The following IL1R1 variants were observed in gnomAD, a reference collection of about 807,000 sequenced individuals.
The protein encoded by IL1R1 is interleukin-1 receptor type 1.
IL1R1 carries 22 observed loss-of-function variants against 50.2 expected under a neutral mutation model. The ratio of observed to expected loss-of-function variants is 0.44; its 90% CI spans 0.31 to 0.63. The LOEUF is 0.63. Among genes scored for constraint, IL1R1 ranks in the 20% least tolerant of loss-of-function variants. The pLI, the probability that IL1R1 is intolerant of heterozygous loss-of-function variation, is 0.07. For missense variants in IL1R1, 509 were observed against 676.2 expected (o/e 0.75, Z 2.74); for synonymous variants, 251 against 236.7 (o/e 1.06, Z -0.55).
chr2:102,089,061 C>G (rs986238166), intron 1 of IL1R1, among the ~76,000 whole-genome samples: 9 of 152,194 alleles, frequency 5.9e-5, no homozygotes, highest in African/African-American at 1.9e-4. Context: ...GTTTTGCTTT[C>G]TGATCATTTG....
rs1190510667 is a variant in IL1R1, at chr2:102,176,468, C to G, written c.1419C>G (p.Ala473=). The change falls in exon 12 of 12, where the codon GCC becomes GCG. Residue 473 remains alanine (A), a synonymous_variant. Transcript: ENST00000410023. ...GTGGTTCATCTGAAGAGCAAATAGC[C>G]ATGTATAATGCTCTTGTTCAGGATG... ...WLGGSSEEQI[A]MYNALVQDGI... 3 of 1,614,010 alleles carry G rather than the reference C, an allele frequency of 1.9e-6. No individual in the cohort carries two copies. The highest frequency in any genetic ancestry group is 2.7e-5 in the African/African-American group (2 of 74,906).
intron 1 of IL1R1, among the ~76,000 whole-genome samples, chr2:102,131,975 A>G (rs566484940): frequency 6.6e-6 from 1 of 152,304 alleles, no homozygotes; most frequent in African/African-American, 2.4e-5. Flanking sequence ...AAGAAACAGC[A>G]GTGACACAGA....
intron 1 of IL1R1, chr2:102,105,010 G>C (rs532719164): frequency 6.6e-6 from 1 of 152,218 alleles, no homozygotes; most frequent in Non-Finnish European, 1.5e-5. Context: ...ATTGTTTGTC[G>C]AAACAACATT....
Position 102,128,492 on chromosome 2 carries a change from A to G in IL1R1, c.-84+23620A>G, listed in dbSNP as rs72996587. 1.3e-3 allele frequency among the ~76,000 whole-genome samples: 205 copies of G among 152,332 alleles called. 1 individual carries two copies. Among genetic ancestry groups the G allele is most frequent in the African/African-American group, 4.4e-3 (185 of 41,576 alleles). ...GACTATGTTTAAATACTTTTTATGT[A>G]TTAACTTATTCTCTCAACAACCCAA... On this transcript the variant is annotated intron_variant, in intron 1 of 10. Transcript: ENST00000409329.
At chr2:102,129,256 TACA>T (rs71866133) in intron 1 of IL1R1, among the ~76,000 whole-genome samples, 61,676 of 149,318 alleles carry the variant, frequency 0.41, 13,096 homozygotes, top group East Asian at 0.52. Context: ...CCCAAAAACC[TACA>T]ACAACAACAA....
intron 2 of IL1R1, 107 bp from the exon 3 acceptor site, chr2:102,157,612 T>G (rs2104530140): frequency 1.4e-6 from 1 of 708,516 alleles, no homozygotes; most frequent in Non-Finnish European, 2.5e-6. Context: ...GTGTGACTTG[T>G]GGGTGAGGGT....
chr2:102,079,988 G>A lies in IL1R1; in HGVS notation c.-84+9455G>A, dbSNP rs560471002. 1.4e-3 allele frequency among the ~76,000 whole-genome samples: 209 copies of A among 152,226 alleles called. 4 individuals carry two copies. The highest frequency in any genetic ancestry group is 3.3e-3 in the Admixed American group (51 of 15,290). ...GATGCCAGCAATTCAGTGGGGGAAAGAATAATCTTCTTAATAAAAGGTGAT... is the reference window on the plus strand; with the variant it reads ...GATGCCAGCAATTCAGTGGGGGAAAAAATAATCTTCTTAATAAAAGGTGAT... On this transcript the variant is annotated intron_variant, in intron 1 of 11. Transcript: ENST00000409929.
At chr2:102,143,810 C>T (rs1409767144) in intron 1 of IL1R1, among the ~76,000 whole-genome samples, 1 of 152,212 alleles carries the variant, frequency 6.6e-6, no homozygotes, top group Non-Finnish European at 1.5e-5. Flanking sequence ...GGCTGTCTCT[C>T]CACTGCCTTA....
chr2:102,153,519 C>T (rs1683887802), intron 1 of IL1R1, among the ~76,000 whole-genome samples: 1 of 152,142 alleles, frequency 6.6e-6, no homozygotes, highest in Non-Finnish European at 1.5e-5. Context: ...TGGTTTGGCT[C>T]TGTGTCCCCA....
At chr2:102,100,851 G>A (rs549648760), upstream of IL1R1, among the ~76,000 whole-genome samples, 6 of 152,218 alleles carry the variant, frequency 3.9e-5, no homozygotes, top group South Asian at 6.2e-4. Context: ...GACACAGTGC[G>A]GTCTGGAAGA....
intron 1 of IL1R1, among the ~76,000 whole-genome samples, chr2:102,080,843 T>C (rs369532023): frequency 1.3e-5 from 2 of 152,176 alleles, no homozygotes; most frequent in East Asian, 3.9e-4. Context: ...CAATATGCAG[T>C]ATATCCAAAC....
At chr2:102,091,391 T>C (rs1193426316) in intron 1 of IL1R1, among the ~76,000 whole-genome samples, 1 of 152,250 alleles carries the variant, frequency 6.6e-6, no homozygotes, top group Non-Finnish European at 1.5e-5. Flanking sequence ...CTTTGAAAGC[T>C]GATTTTGTAA....
chr2:102,155,388 G>A (rs1684089360), intron 2 of IL1R1, among the ~76,000 whole-genome samples: 1 of 152,318 alleles, frequency 6.6e-6, no homozygotes, highest in African/African-American at 2.4e-5. Context: ...TTCTGACTTG[G>A]ATAGCCGTTC....
rs1005412371 is a variant in IL1R1, at chr2:102,074,057, G to A, written c.-84+3524G>A. Among the ~76,000 whole-genome samples the A allele has an allele frequency of 3.3e-5, 5 of 152,176 alleles. No individual in the cohort carries two copies. The East Asian group carries it at 9.6e-4, about 29-fold the overall frequency. On this transcript the variant is annotated intron_variant, in intron 1 of 11. Transcript: ENST00000409929. Reference sequence around the variant, plus strand: ...CTTTTCATCTTGTGAGTGATGAGCAGCACGTGGTCTCTAGGTTTGCAATAT... The same window carrying A: ...CTTTTCATCTTGTGAGTGATGAGCAACACGTGGTCTCTAGGTTTGCAATAT...
chr2:102,165,985 G>C (rs1685148820), intron 5 of IL1R1, 128 bp from the exon 6 acceptor site: 4 of 716,828 alleles, frequency 5.6e-6, no homozygotes, highest in African/African-American at 3.6e-5. Flanking sequence ...CTATATGTAA[G>C]GAACTTTTCC....
chr2:102,161,307 T>G (rs935480487), intron 3 of IL1R1, among the ~76,000 whole-genome samples: 1 of 152,242 alleles, frequency 6.6e-6, no homozygotes, highest in Non-Finnish European at 1.5e-5. Context: ...TTTTGTCTAA[T>G]TTGAATCCTT....
At chr2:102,153,573 G>T (rs1398314656) in intron 1 of IL1R1, among the ~76,000 whole-genome samples, 2 of 152,172 alleles carry the variant, frequency 1.3e-5, no homozygotes, top group Non-Finnish European at 2.9e-5. Flanking sequence ...TCCAGGGAGG[G>T]ATCTGGTGGG....
intron 1 of IL1R1, among the ~76,000 whole-genome samples, chr2:102,121,708 C>A (rs767511026): frequency 1.3e-5 from 2 of 152,148 alleles, no homozygotes; most frequent in Non-Finnish European, 2.9e-5. Context: ...CTCAACAAAG[C>A]CTAGCACATT....
At chr2:102,146,000 A>T (rs939307252) in intron 1 of IL1R1, among the ~76,000 whole-genome samples, 1 of 152,198 alleles carries the variant, frequency 6.6e-6, no homozygotes, top group African/African-American at 2.4e-5. Flanking sequence ...TTCTTGGCAC[A>T]GAGAGAAGTG....
Sources: allele counts gnomAD v4.1 joint callset (sites outside exome capture counted in the v4.1 genomes callset), GRCh38; gene constraint gnomAD v4.1.1; transcripts MANE v1.5; gene names NCBI Gene and HGNC (gene_info 2026-07-23, HGNC 2026-07-21).